NUMA1: variants seen among roughly 807,000 people sequenced by gnomAD.
NUMA1 encodes SP-H antigen.
NUMA1 carries 62 observed loss-of-function variants against 237.1 expected under a neutral mutation model. The ratio of observed to expected loss-of-function variants is 0.26; its 90% CI spans 0.21 to 0.32. NUMA1 has a LOEUF of 0.32. Among genes scored for constraint, NUMA1 ranks in the 10% least tolerant of loss-of-function variants. The probability of loss-of-function intolerance (pLI) is 1.00; values close to 1 mark genes in which losing one functional copy is unlikely to be tolerated. For synonymous variants in NUMA1, 1,028 were observed against 1,066.1 expected, an observed-to-expected ratio of 0.96 and a Z score of 0.70; for missense variants, 2,533 against 2,666.5, an observed-to-expected ratio of 0.95 and a Z score of 1.10.
chr11:72,056,451 A>G (rs960492888), intron 2 of NUMA1, among the ~76,000 whole-genome samples: 1 of 151,028 alleles, frequency 6.6e-6, no homozygotes, highest in African/African-American at 2.4e-5. Flanking sequence ...CCTGCCAAGT[A>G]GCTGGGATTC....
chr11:72,067,028 A>G (rs991601072), intron 2 of NUMA1: 1 of 152,234 alleles, frequency 6.6e-6, no homozygotes, highest in Non-Finnish European at 1.5e-5. Flanking sequence ...GACTGGCAAG[A>G]TGACTATGTT....
rs759915540 is a variant in NUMA1 at position 72,004,221 on chromosome 11, T to G, written c.6123+4A>C. 1.9e-6 allele frequency: 3 copies of G among 1,610,018 alleles called. No individual in the cohort carries two copies. The highest frequency in any genetic ancestry group is 2.5e-6 in the Non-Finnish European group (3 of 1,178,734). On this transcript the variant is annotated splice_donor_region_variant and intron_variant, in intron 25 of 26. Coordinates refer to ENST00000393695, the MANE Select transcript of NUMA1 (RefSeq NM_006185.4). ...GCTTCATCCCCCTTCAGCCCCAGCC[T>G]CACCTGTTTAGTAGAAGCTGGAGCT...
At chr11:72,073,632 TTA>T (rs1446336075) in intron 1 of NUMA1, among the ~76,000 whole-genome samples, 2 of 152,180 alleles carry the variant, frequency 1.3e-5, no homozygotes, top group Non-Finnish European at 2.9e-5. Context: ...GGAGAAAGAC[TTA>T]TGAGTCCACT....
chr11:72,023,190 AACCATACCTGAG>A, intron 5 of NUMA1, 43 bp from the exon 6 acceptor site: 1 of 1,412,658 alleles, frequency 7.1e-7, no homozygotes, highest in Non-Finnish European at 1.0e-6. Flanking sequence ...ACTTCCTGGA[AACCATACCTGAG>A]ATCCCAGAAC....
chr11:72,064,224 G>C (rs954000544), intron 2 of NUMA1, among the ~76,000 whole-genome samples: 1 of 151,752 alleles, frequency 6.6e-6, no homozygotes, highest in Non-Finnish European at 1.5e-5. Context: ...TTGGAAGGCT[G>C]AGGTGGGATG....
At chr11:72,040,439 TACACATACACACACACAC>T (rs1565263352) in intron 2 of NUMA1, among the ~76,000 whole-genome samples, 3 of 36,372 alleles carry the variant, frequency 8.2e-5, no homozygotes, top group Non-Finnish European at 1.9e-4. Context: ...CTGGGGCGCG[TACACATACACACACACAC>T]ACACACACAC....
chr11:72,005,128 C>T (rs1590854910), intron 23 of NUMA1, 105 bp downstream of exon 23: 25 of 1,298,644 alleles, frequency 1.9e-5, no homozygotes, highest in South Asian at 9.0e-5. Flanking sequence ...TCCCCCTCCT[C>T]GGCCAGTCAG....
chr11:72,016,801 T>C, intron 13 of NUMA1: 1 of 404,458 alleles, frequency 2.5e-6, no homozygotes, highest in Non-Finnish European at 4.5e-6. Flanking sequence ...CCTTACCGTA[T>C]ACCCTTCCTC....
Position 72,007,272 on chromosome 11 carries a change from C to T in NUMA1, c.5380G>A (p.Gly1794Arg). The T allele has an allele frequency of 6.2e-7, 1 of 1,612,824 alleles. No homozygotes were observed. Among genetic ancestry groups the T allele is most frequent in the Non-Finnish European group, 8.5e-7 (1 of 1,179,492 alleles). Residue 1794 changes from glycine to arginine, a missense_variant, in exon 21 of 27, where the codon GGA (glycine) becomes AGA (arginine). Physicochemically the swap from Gly to Arg is moderately radical, Grantham distance 125. Transcript: ENST00000393695. Reference protein sequence around the residue: ...APLESSLDSLGDVFLDSGRKT... With the variant: ...APLESSLDSLRDVFLDSGRKT... Reference sequence around the variant, plus strand: ...CGACCCGAGTCCAGGAAGACGTCTCCCAGGGAGTCCAGGCTGCTCTCCAGG... The same window carrying T: ...CGACCCGAGTCCAGGAAGACGTCTCTCAGGGAGTCCAGGCTGCTCTCCAGG...
In NUMA1 at chr11:72,013,698, G is replaced by T. The variant is rs536386853; in HGVS notation, c.3805C>A (p.Leu1269Met). Reference sequence around the variant, plus strand: ...GCTGTCTCTGCCTGCAGCAGGCGCAGCCTCTCCTCCAGCTTCTGGCTCTTC... The same window carrying T: ...GCTGTCTCTGCCTGCAGCAGGCGCATCCTCTCCTCCAGCTTCTGGCTCTTC... Reference protein sequence around the residue: ...SEKSQKLEERLRLLQAETASN... With the variant: ...SEKSQKLEERMRLLQAETASN... Residue 1269 changes from leucine to methionine, a missense_variant, in exon 15 of 27, where the codon CTG becomes ATG. Physicochemically the swap from Leu to Met is conservative, Grantham distance 15 (BLOSUM62 2). Transcript: ENST00000393695. This position sits in a 1 kb window ranked among gnomAD's most constrained non-coding sequence, Gnocchi z 6.8. 15 of 1,609,500 alleles carry T rather than the reference G, an allele frequency of 9.3e-6. No homozygotes were observed. The Admixed American group carries it at 1.3e-4, about 14-fold the overall frequency.
At chr11:72,027,985 T>C (rs1054492181) in intron 4 of NUMA1, among the ~76,000 whole-genome samples, 3 of 152,154 alleles carry the variant, frequency 2.0e-5, no homozygotes, top group African/African-American at 7.2e-5. Flanking sequence ...AAAATAAGAA[T>C]AGTGACTTCT....
At position 72,049,559 on chromosome 11, in the gene NUMA1, TAATATATATATATA is replaced by T. The variant is rs1435893516; in HGVS notation, c.-32-13598_-32-13585del. 4.4e-4 allele frequency: 3 copies of T among 6,884 alleles called. 1 individual carries two copies. The highest frequency in any genetic ancestry group is 1.9e-3 in the Non-Finnish European group (3 of 1,560). 0.4% of individuals were successfully genotyped at this position (6,884 alleles called of 1,614,324 possible). On this transcript the variant is annotated intron_variant, in intron 2 of 26. Transcript: ENST00000393695. ...ACCTGTCTAAAAAAAAAAATAATAATAATATATATATATATATATATATAGTGTGTGTGTGTGTA... is the reference window on the plus strand; with the variant it reads ...ACCTGTCTAAAAAAAAAAATAATAATTATATATATAGTGTGTGTGTGTGTA...
intron 24 of NUMA1, 41 bp from the exon 25 acceptor site, chr11:72,004,382 A>G (rs749748795): frequency 6.4e-7 from 1 of 1,558,556 alleles, no homozygotes; most frequent in Non-Finnish European, 8.8e-7. Flanking sequence ...TAGCAAGAGG[A>G]GTCACATCTG....
In NUMA1 at chr11:72,012,448, C is replaced by T; in HGVS notation, c.4609-6G>A. ...AATACCTCTAGCTGCTCCACCTGTA[C>T]ATGGGGGAGGAGCAACAGAGACAGA... On this transcript the variant is annotated splice_region_variant and splice_polypyrimidine_tract_variant and intron_variant, in intron 15 of 26. Coordinates refer to ENST00000393695, the MANE Select transcript of NUMA1 (RefSeq NM_006185.4). 2.5e-6 allele frequency: 4 copies of T among 1,612,384 alleles called. No homozygotes were observed. The highest frequency in any genetic ancestry group is 3.4e-6 in the Non-Finnish European group (4 of 1,179,044).
chr11:72,030,111 G>A (rs1361230348), intron 3 of NUMA1, among the ~76,000 whole-genome samples: 2 of 152,086 alleles, frequency 1.3e-5, no homozygotes, highest in Non-Finnish European at 1.5e-5. Flanking sequence ...GAGGCGGGAA[G>A]ATCACTTGAG....
chr11:72,006,027 C>T lies in NUMA1; in HGVS notation c.5692+8G>A, dbSNP rs746966807. ...TTGGGGTATAGTAAGTCCCTGTAGT[C>T]CCCTCACCTGGAGGGGCCCCACTGG... On this transcript the variant is annotated splice_region_variant and intron_variant, in intron 22 of 26. Coordinates refer to ENST00000393695, the MANE Select transcript of NUMA1 (RefSeq NM_006185.4). 1.2e-6 allele frequency: 2 copies of T among 1,604,810 alleles called. No individual in the cohort carries two copies. The highest frequency in any genetic ancestry group is 3.4e-5 in the Admixed American group (2 of 59,690).
intron 20 of NUMA1, chr11:72,008,432 C>CT (rs1328105190): frequency 1.6e-5 from 8 of 501,940 alleles, no homozygotes; most frequent in Non-Finnish European, 2.2e-5. Flanking sequence ...TCACACTGCT[C>CT]TTCTCGTCAA....
In NUMA1 at chr11:72,013,629, C is replaced by T; in HGVS notation, c.3874G>A (p.Glu1292Lys). ...RAAERSSALR[E>K]EVQSLREEAE... Reference sequence around the variant, plus strand: ...TCCTCCCGGAGGCTCTGCACCTCCTCCCGCAGAGCAGAGCTGCGTTCTGCA... The same window carrying T: ...TCCTCCCGGAGGCTCTGCACCTCCTTCCGCAGAGCAGAGCTGCGTTCTGCA... Residue 1292 changes from glutamate (E) to lysine (K), a missense_variant, in exon 15 of 27, where the codon GAG (glutamate) becomes AAG (lysine). Glu to Lys is a moderately conservative substitution (Grantham distance 56). Transcript: ENST00000393695. The surrounding 1 kb of genome is among the most constrained non-coding windows in gnomAD (Gnocchi z 6.8). 1 of 1,610,602 alleles carries T rather than the reference C, an allele frequency of 6.2e-7. No homozygotes were observed. Among genetic ancestry groups the T allele is most frequent in the South Asian group, 1.1e-5 (1 of 91,086 alleles).
intron 8 of NUMA1, 129 bp from the exon 9 acceptor site, chr11:72,019,746 C>A: frequency 9.9e-7 from 1 of 1,014,236 alleles, no homozygotes; most frequent in Non-Finnish European, 1.4e-6. Flanking sequence ...TGTAAACTAC[C>A]AAGGAAGGCA....
Sources: gnomAD v4.1 joint callset for allele counts (sites outside exome capture counted in the v4.1 genomes callset) on GRCh38, gnomAD v4.1.1 for gene constraint, Gnocchi (gnomAD v3.1) non-coding constraint, MANE v1.5 for transcripts, NCBI Gene and HGNC (gene_info 2026-07-23, HGNC 2026-07-21) for gene names.